Variants in GNPTAB observed in about 807,000 individuals in gnomAD.
The protein encoded by GNPTAB is N-acetylglucosamine-1-phosphotransferase subunits alpha/beta.
Under a neutral mutation model 136.6 loss-of-function variants are expected in GNPTAB, and 92 were observed. That is an observed-to-expected ratio of 0.67 (90% confidence interval 0.57 to 0.80). GNPTAB has a LOEUF of 0.80. Among genes scored for constraint, GNPTAB ranks in the 30% least tolerant of loss-of-function variants. The pLI, the probability that GNPTAB is intolerant of heterozygous loss-of-function variation, is 0.00. For synonymous variants in GNPTAB, 512 were observed against 535.1 expected (o/e 0.96, Z 0.60); for missense variants, 1,343 against 1,501.8 (o/e 0.89, Z 1.75).
intron 18 of GNPTAB, chr12:101,756,301 T>G (rs1952899479): frequency 6.3e-6 from 1 of 158,810 alleles, no homozygotes; most frequent in Admixed American, 6.4e-5. Context: ...AAAAATATAA[T>G]GGCTTTAAAA....
intron 2 of GNPTAB, among the ~76,000 whole-genome samples, chr12:101,792,571 C>T (rs1226538860): frequency 6.6e-6 from 1 of 152,150 alleles, no homozygotes; most frequent in Admixed American, 6.5e-5. Flanking sequence ...TTTGAATATG[C>T]TTTTCCTTCT....
At chr12:101,772,038 T>C (rs2137126234) in intron 7 of GNPTAB, among the ~76,000 whole-genome samples, 1 of 152,354 alleles carries the variant, frequency 6.6e-6, no homozygotes, top group South Asian at 2.1e-4. Context: ...GAAAACTACC[T>C]TTTGGGGCAA....
Position 101,788,406 on chromosome 12 carries a change from T to C in GNPTAB, c.365+142A>G, listed in dbSNP as rs1021761250. 10 of 687,512 alleles carry C rather than the reference T, an allele frequency of 1.5e-5. No individual in the cohort carries two copies. The African/African-American group carries it at 1.8e-4, about 12-fold the overall frequency. The allele number at this position is 687,512 out of a possible 1,614,324, so 42.6% of individuals were successfully genotyped here. On this transcript the variant is annotated intron_variant, in intron 4 of 20. Transcript: ENST00000299314. The stretch of plus-strand genomic sequence containing the variant: ...ACTCAGCACTGCAAAATTTCCTGTC[T>C]AATAGATGTACCTAATTTGGGGTCA...
At chr12:101,753,614 C>A in intron 18 of GNPTAB, 75 bp from the exon 19 acceptor site, 2 of 1,196,098 alleles carry the variant, frequency 1.7e-6, no homozygotes, top group East Asian at 2.3e-5. Context: ...ATGTGGATTC[C>A]AAATATATTT....
intron 1 of GNPTAB, among the ~76,000 whole-genome samples, chr12:101,817,716 T>C (rs1231580747): frequency 6.6e-6 from 1 of 152,128 alleles, no homozygotes; most frequent in East Asian, 1.9e-4. Context: ...ATCCCAGCTA[T>C]GGGGAGGCTG....
At chr12:101,781,712 T>C (rs568938827) in intron 5 of GNPTAB, among the ~76,000 whole-genome samples, 1 of 152,200 alleles carries the variant, frequency 6.6e-6, no homozygotes, top group African/African-American at 2.4e-5. Context: ...ATATAGTTGG[T>C]GAGCACTGAG....
At chr12:101,820,227 C>G (rs190233047) in intron 1 of GNPTAB, among the ~76,000 whole-genome samples, 30 of 152,320 alleles carry the variant, frequency 2.0e-4, no homozygotes, top group African/African-American at 7.2e-4. Flanking sequence ...ATTCATTCAA[C>G]AAATATTCAC....
At chr12:101,828,316 A>T (rs1458380066) in intron 1 of GNPTAB, among the ~76,000 whole-genome samples, 1 of 152,186 alleles carries the variant, frequency 6.6e-6, no homozygotes, top group Admixed American at 6.5e-5. Flanking sequence ...ATCCTTCCCA[A>T]GATCAGACAA....
At chr12:101,756,464 G>A in intron 18 of GNPTAB, 1 of 398,082 alleles carries the variant, frequency 2.5e-6, no homozygotes. Context: ...GGTTCCACTA[G>A]TCAGGAGGCT....
At chr12:101,767,250 CTATAAATTTAATGCTT>C (rs1322453647) in intron 11 of GNPTAB, among the ~76,000 whole-genome samples, 1 of 152,138 alleles carries the variant, frequency 6.6e-6, no homozygotes, top group Non-Finnish European at 1.5e-5. Context: ...GAATAATGCT[CTATAAATTTAATGCTT>C]TATAAATTGA....
chr12:101,800,409 C>G (rs975793869), intron 1 of GNPTAB, among the ~76,000 whole-genome samples: 1 of 151,774 alleles, frequency 6.6e-6, no homozygotes, highest in African/African-American at 2.4e-5. Context: ...TAGAGAACAT[C>G]AAAACTAATT....
rs773567066 is a variant in GNPTAB at position 101,770,580 on chromosome 12, C to A, written c.939G>T (p.Lys313Asn). Reference sequence around the variant, plus strand: ...GACTGGCAGAGATGTCTTCATCCTGCTTAGACTGAGAAAAACACTTGGCAT... The same window carrying A: ...GACTGGCAGAGATGTCTTCATCCTGATTAGACTGAGAAAAACACTTGGCAT... ...LWDLSAISQS[K>N]QDEDISASRF... Residue 313 changes from lysine (K) to asparagine (N), a missense_variant, in exon 9 of 21, where the codon AAG (lysine) becomes AAT (asparagine). Coordinates refer to ENST00000299314, the MANE Select transcript of GNPTAB (RefSeq NM_024312.5). The A allele has an allele frequency of 3.1e-6, 5 of 1,611,988 alleles. No homozygotes were observed. The South Asian group carries it at 5.5e-5, about 18-fold the overall frequency.
Position 101,753,551 on chromosome 12 carries a change from G to C in GNPTAB, c.3435-12C>G, listed in dbSNP as rs1170609278. The C allele has an allele frequency of 6.2e-7, 1 of 1,608,124 alleles. No homozygotes were observed. The highest frequency in any genetic ancestry group is 8.5e-7 in the Non-Finnish European group (1 of 1,175,288). On this transcript the variant is annotated splice_polypyrimidine_tract_variant and intron_variant, in intron 18 of 20. Coordinates refer to ENST00000299314, the MANE Select transcript of GNPTAB (RefSeq NM_024312.5). ...GGCAAACAAACTTCCTGAAATAACAGAGAGCCAGGGTTATTAGTTACATAT... is the reference window on the plus strand; with the variant it reads ...GGCAAACAAACTTCCTGAAATAACACAGAGCCAGGGTTATTAGTTACATAT...
At chr12:101,824,471 GT>G (rs1566103199) in intron 1 of GNPTAB, among the ~76,000 whole-genome samples, 1 of 15,480 alleles carries the variant, frequency 6.5e-5, no homozygotes, top group African/African-American at 2.7e-4. Flanking sequence ...TAACCTTTTT[GT>G]TTTGTTTTGT....
At position 101,786,025 on chromosome 12, in the gene GNPTAB, G is replaced by T; in HGVS notation, c.558C>A (p.Asp186Glu). ...AAAAGATCTTACCATCCTTAGTACT[G>T]TCAAAAACAACAACTGAGACATTGG... ...PSTNVSVVVF[D>E]STKDVEDAHS... Residue 186 changes from aspartate (D) to glutamate (E), a missense_variant, in exon 5 of 21, where the codon GAC becomes GAA. Asp to Glu is a conservative substitution (Grantham distance 45). Coordinates refer to ENST00000299314, the MANE Select transcript of GNPTAB (RefSeq NM_024312.5). 1 of 1,611,388 alleles carries T rather than the reference G, an allele frequency of 6.2e-7. No homozygotes were observed. Among genetic ancestry groups the T allele is most frequent in the Non-Finnish European group, 8.5e-7 (1 of 1,177,592 alleles).
intron 1 of GNPTAB, among the ~76,000 whole-genome samples, chr12:101,825,727 A>G (rs1871053923): frequency 6.6e-6 from 1 of 152,216 alleles, no homozygotes; most frequent in African/African-American, 2.4e-5. Flanking sequence ...TGAAGTATCC[A>G]ATAAATGTAT....
chr12:101,782,229 A>G (rs920195024), intron 5 of GNPTAB, among the ~76,000 whole-genome samples: 2 of 85,660 alleles, frequency 2.3e-5, no homozygotes, highest in African/African-American at 1.5e-4. Flanking sequence ...ATGAAGTAAA[A>G]CCTTTATATA....
At chr12:101,829,729 G>C (rs1246820872) in intron 1 of GNPTAB, among the ~76,000 whole-genome samples, 1 of 152,070 alleles carries the variant, frequency 6.6e-6, no homozygotes, top group Non-Finnish European at 1.5e-5. Flanking sequence ...CACCCTTATG[G>C]TAAGACATTT....
chr12:101,768,601 G>C (rs1026073320), intron 10 of GNPTAB, among the ~76,000 whole-genome samples: 1 of 152,122 alleles, frequency 6.6e-6, no homozygotes, highest in African/African-American at 2.4e-5. Flanking sequence ...TCAAGGCTGA[G>C]AGACAATATC....
Sources: gnomAD v4.1 joint callset for allele counts (sites outside exome capture counted in the v4.1 genomes callset) on GRCh38, gnomAD v4.1.1 for gene constraint, MANE v1.5 for transcripts, NCBI Gene and HGNC (gene_info 2026-07-23, HGNC 2026-07-21) for gene names.